MAP3K15: variants seen among roughly 807,000 people sequenced by gnomAD.
The protein encoded by MAP3K15 is mitogen-activated protein kinase kinase kinase 15.
Under a neutral mutation model 99.5 loss-of-function variants are expected in MAP3K15, and 124 were observed. The ratio of observed to expected loss-of-function variants is 1.25; its 90% CI spans 1.08 to 1.45. The LOEUF (loss-of-function observed/expected upper bound fraction) is 1.45. Ranked by LOEUF, MAP3K15 falls within the 40% of genes most tolerant of loss-of-function variation. The pLI is 0.00. For missense variants in MAP3K15, 1,242 were observed against 1,079.7 expected, an observed-to-expected ratio of 1.15 and a Z score of -2.11; for synonymous variants, 494 against 439.6, an observed-to-expected ratio of 1.12 and a Z score of -1.55.
chrX:19,388,777 T>A (rs1244285081), intron 18 of MAP3K15, among the ~76,000 whole-genome samples: 1 of 111,740 alleles, frequency 8.9e-6, no homozygotes, highest in African/African-American at 3.3e-5. Flanking sequence ...CTGTCCCGAG[T>A]TCTCCCTCTA....
chrX:19,475,633 C>T (rs951004757), intron 3 of MAP3K15, among the ~76,000 whole-genome samples: 3 of 111,049 alleles, frequency 2.7e-5, no homozygotes, highest in Admixed American at 9.6e-5. Context: ...GTGCAAGGCC[C>T]ATCTGCAAAC....
At chrX:19,447,752 C>G (rs933481133) in intron 6 of MAP3K15, among the ~76,000 whole-genome samples, 75 of 94,975 alleles carry the variant, frequency 7.9e-4, no homozygotes, top group African/African-American at 2.7e-3. Flanking sequence ...GGCGTAGTGG[C>G]GGGCGCCTGT....
intron 6 of MAP3K15, among the ~76,000 whole-genome samples, chrX:19,441,319 G>A (rs1307863108): frequency 4.6e-5 from 5 of 109,465 alleles, no homozygotes; most frequent in African/African-American, 1.7e-4. Flanking sequence ...AGGGGGGGAA[G>A]AATTGAGGGA....
intron 3 of MAP3K15, among the ~76,000 whole-genome samples, chrX:19,475,436 T>G (rs2064236020): frequency 9.0e-6 from 1 of 110,637 alleles, no homozygotes; most frequent in African/African-American, 3.3e-5. Flanking sequence ...GACCCTTGCT[T>G]TAAAACATAT....
Position 19,491,747 on chromosome X carries a change from G to A in MAP3K15, c.362-2780C>T, listed in dbSNP as rs184407901. ...CAGAGTCTCAAAAATGCATGGGTAC[G>A]ATCTCGGCTCACTGCAACCTCCACC... On this transcript the variant is annotated intron_variant, in intron 1 of 28. Coordinates refer to ENST00000338883, the MANE Select transcript of MAP3K15 (RefSeq NM_001001671.4). 2.6e-3 allele frequency among the ~76,000 whole-genome samples: 289 copies of A among 109,432 alleles called. 1 individual carries two copies. Among genetic ancestry groups the A allele is most frequent in the African/African-American group, 9.1e-3 (274 of 29,977 alleles).
chrX:19,463,612 A>G (rs143750632), intron 4 of MAP3K15, among the ~76,000 whole-genome samples: 2,618 of 112,042 alleles, frequency 0.023, 81 homozygotes, highest in African/African-American at 0.082. Flanking sequence ...AGGTGAGCTG[A>G]CTATTTCAGT....
In MAP3K15 at chrX:19,394,986, T is replaced by C. The variant is rs186426265; in HGVS notation, c.2194+95A>G. ...CTACAGGCGCCCTACAGGCCTGGCT[T>C]AGGGGTCTGTCATTTTGTAAATGGC... On this transcript the variant is annotated intron_variant, in intron 16 of 28. Transcript: ENST00000338883. 3.5e-4 allele frequency: 367 copies of C among 1,044,241 alleles called. 1 individual carries two copies. The African/African-American group carries it at 6.2e-3, about 18-fold the overall frequency. 86.1% of individuals were successfully genotyped at this position (1,044,241 alleles called of 1,213,427 possible).
At chrX:19,452,566 A>G (rs1003038786) in intron 6 of MAP3K15, among the ~76,000 whole-genome samples, 6 of 112,231 alleles carry the variant, frequency 5.3e-5, no homozygotes, top group East Asian at 2.8e-4. Flanking sequence ...ACTATCCACA[A>G]TACTCAAGAG....
chrX:19,489,556 A>C lies in MAP3K15; in HGVS notation c.362-589T>G, dbSNP rs766481335. Among the ~76,000 whole-genome samples, 362 of 111,135 alleles carry C rather than the reference A, an allele frequency of 3.3e-3. 1 individual carries two copies. Among genetic ancestry groups the C allele is most frequent in the Non-Finnish European group, 5.4e-3 (285 of 53,021 alleles). ...GCCTTTGGGAGGTGATTAGGTCATG[A>C]GGATGGAGGCCTCATAAATTGGATT... On this transcript the variant is annotated intron_variant, in intron 1 of 28. Coordinates refer to ENST00000338883, the MANE Select transcript of MAP3K15 (RefSeq NM_001001671.4).
chrX:19,457,045 G>C (rs936434359), intron 5 of MAP3K15, 26 bp from the exon 6 acceptor site: 15 of 1,057,066 alleles, frequency 1.4e-5, no homozygotes, highest in Non-Finnish European at 1.9e-5. Flanking sequence ...CCCAAAGTGA[G>C]CAAGAGAGGA....
intron 1 of MAP3K15, among the ~76,000 whole-genome samples, chrX:19,508,641 G>T (rs1478620278): frequency 1.8e-5 from 2 of 111,901 alleles, no homozygotes; most frequent in Non-Finnish European, 3.8e-5. Context: ...CTAGTAATTT[G>T]GGAGGCTGAG....
intron 6 of MAP3K15, among the ~76,000 whole-genome samples, chrX:19,437,333 T>C (rs763517321): frequency 1.8e-3 from 202 of 111,615 alleles, no homozygotes; most frequent in Non-Finnish European, 2.9e-3. Flanking sequence ...GTGGCTCCCA[T>C]CTTAGAGCAA....
intron 15 of MAP3K15, among the ~76,000 whole-genome samples, chrX:19,396,025 A>AT (rs1302472717): frequency 1.8e-5 from 2 of 111,525 alleles, no homozygotes; most frequent in Non-Finnish European, 3.8e-5. Context: ...AAGTTGATCT[A>AT]TTTTTTCAAA....
At chrX:19,434,002 A>C (rs2063904088) in intron 6 of MAP3K15, among the ~76,000 whole-genome samples, 2 of 111,684 alleles carry the variant, frequency 1.8e-5, no homozygotes, top group Non-Finnish European at 3.8e-5. Context: ...CCGTAACAGT[A>C]ACATCTCATG....
intron 1 of MAP3K15, among the ~76,000 whole-genome samples, chrX:19,496,154 T>C (rs1217393837): frequency 2.8e-5 from 3 of 106,299 alleles, no homozygotes; most frequent in East Asian, 6.0e-4. Context: ...GCAACCTCCA[T>C]CTCCCAGGTT....
At chrX:19,391,918 C>T in intron 18 of MAP3K15, 84 bp downstream of exon 18, 1 of 636,996 alleles carries the variant, frequency 1.6e-6, no homozygotes, top group Non-Finnish European at 2.5e-6. Flanking sequence ...AAGGTGCTCA[C>T]TAAGTAACGG....
At chrX:19,502,952 T>C (rs187724396) in intron 1 of MAP3K15, among the ~76,000 whole-genome samples, 16 of 111,503 alleles carry the variant, frequency 1.4e-4, no homozygotes, top group Non-Finnish European at 9.4e-5. Context: ...ATACATAAAT[T>C]TGAACGCAGC....
chrX:19,396,884 T>C (rs1478233964), intron 15 of MAP3K15, among the ~76,000 whole-genome samples: 1 of 109,171 alleles, frequency 9.2e-6, no homozygotes, highest in Non-Finnish European at 1.9e-5. Flanking sequence ...CTCATTTTGT[T>C]GGGGTATAAA....
At chrX:19,453,830 A>G in intron 6 of MAP3K15, among the ~76,000 whole-genome samples, 1 of 112,196 alleles carries the variant, frequency 8.9e-6, no homozygotes, top group Non-Finnish European at 1.9e-5. Context: ...AATGCTACTT[A>G]TATCCACATG....
Sources: gnomAD v4.1 joint callset for allele counts (sites outside exome capture counted in the v4.1 genomes callset) on GRCh38, gnomAD v4.1.1 for gene constraint, MANE v1.5 for transcripts, NCBI Gene and HGNC (gene_info 2026-07-23, HGNC 2026-07-21) for gene names.